Variants in CYP2R1 observed in about 807,000 individuals in gnomAD.
CYP2R1 encodes the protein cytochrome P450 family 2 subfamily R member 1, also known as vitamin D 25-hydroxylase.
Under a neutral mutation model 45.7 loss-of-function variants are expected in CYP2R1, and 40 were observed. The observed-to-expected ratio is 0.87, with a 90% CI of 0.68 to 1.14. The LOEUF (loss-of-function observed/expected upper bound fraction) is 1.14, where lower values mean the gene tolerates loss of function less well. Ranked by LOEUF, CYP2R1 falls within the 50% of genes most tolerant of loss-of-function variation. CYP2R1 has a pLI of 0.00. For missense variants in CYP2R1, 605 were observed against 602.6 expected, an observed-to-expected ratio of 1.00 and a Z score of -0.04; for synonymous variants, 234 against 219.3, an observed-to-expected ratio of 1.07 and a Z score of -0.59.
At chr11:14,878,916 A>G (rs556636267) in intron 4 of CYP2R1, among the ~76,000 whole-genome samples, 198 bp downstream of exon 4, 2 of 152,236 alleles carry the variant, frequency 1.3e-5, no homozygotes, top group African/African-American at 4.8e-5. Context: ...TCTATAGTTA[A>G]TAAATTAAGG....
chr11:14,890,424 A>AT, intron 1 of CYP2R1: 1 of 974,166 alleles, frequency 1.0e-6, no homozygotes, highest in Non-Finnish European at 1.2e-6. Flanking sequence ...TCTAAGAATT[A>AT]TACATACCTT....
rs565274924 is a variant in CYP2R1, at chr11:14,885,878, G to A, written c.265C>T (p.Leu89=). The A allele has an allele frequency of 6.8e-6, 11 of 1,613,504 alleles. No individual in the cohort carries two copies. In the South Asian group the frequency reaches 1.2e-4, roughly 18 times the overall value. The stretch of plus-strand genomic sequence containing the variant: ...TCCTTTACTACATCATAGCCATTTA[G>A]AACCACAGTTGATATGCCTCCAAGA... The part of the protein sequence containing the change: ...LDLGGISTVV[L]NGYDVVKECL... The change falls in exon 2 of 5, where the codon CTA becomes TTA. Residue 89 remains leucine (L), a synonymous_variant. Coordinates refer to ENST00000334636, the MANE Select transcript of CYP2R1 (RefSeq NM_024514.5).
At chr11:14,888,907 G>A (rs1383573940) in intron 1 of CYP2R1, among the ~76,000 whole-genome samples, 2 of 152,150 alleles carry the variant, frequency 1.3e-5, no homozygotes, top group East Asian at 3.8e-4. Flanking sequence ...GGCTTTCCTA[G>A]CCAGGGAATG....
At position 14,880,292 on chromosome 11, in the gene CYP2R1, C is replaced by G; in HGVS notation, c.844G>C (p.Asp282His). 6.2e-7 allele frequency: 1 copy of G among 1,613,182 alleles called. No individual in the cohort carries two copies. Among genetic ancestry groups the G allele is most frequent in the East Asian group, 2.2e-5 (1 of 44,860 alleles). Residue 282 changes from aspartate to histidine, a missense_variant, in exon 3 of 5, where the codon GAT becomes CAT. Coordinates refer to ENST00000334636, the MANE Select transcript of CYP2R1 (RefSeq NM_024514.5). ...TCATTTTTACCTTGATCCATCTCAT[C>G]TAAATAAGCATCAACAAAATGCTGA... ...LPQHFVDAYL[D>H]EMDQGKNDPS... is the part of the protein sequence containing the mutation.
chr11:14,887,347 T>C (rs1039691707), intron 1 of CYP2R1: 1 of 152,656 alleles, frequency 6.6e-6, no homozygotes, highest in East Asian at 1.9e-4. Flanking sequence ...TGTTACACAA[T>C]CCACCTTTAC....
Position 14,880,430 on chromosome 11 carries a change from C to T in CYP2R1, c.706G>A (p.Gly236Ser). 1 of 1,613,360 alleles carries T rather than the reference C, an allele frequency of 6.2e-7. No individual in the cohort carries two copies. Among genetic ancestry groups the T allele is most frequent in the Non-Finnish European group, 8.5e-7 (1 of 1,179,662 alleles). Reference sequence around the variant, plus strand: ...TGATGTTTTCCAAAAGGCAGGATGCCAATCCATGGAAAGGCATTATACAAG... The same window carrying T: ...TGATGTTTTCCAAAAGGCAGGATGCTAATCCATGGAAAGGCATTATACAAG... The part of the protein sequence containing the change: ...VFLYNAFPWI[G>S]ILPFGKHQQL... The change falls in exon 3 of 5, where the codon GGC becomes AGC. Residue 236 changes from glycine to serine, a missense_variant. Physicochemically the swap from Gly to Ser is moderately conservative, Grantham distance 56. Transcript: ENST00000334636.
At chr11:14,889,998 G>A (rs1247807056) in intron 1 of CYP2R1, among the ~76,000 whole-genome samples, 3 of 151,938 alleles carry the variant, frequency 2.0e-5, no homozygotes, top group Non-Finnish European at 2.9e-5. Flanking sequence ...GCGTGGTGGC[G>A]AGCACCTGTG....
At position 14,880,702 on chromosome 11, in the gene CYP2R1, C is replaced by T. The variant is rs1171663866; in HGVS notation, c.434G>A (p.Arg145Gln). The stretch of plus-strand genomic sequence containing the variant: ...AGACTTTTGGCCATATCCAAAATAT[C>T]GAAAACTGTTTACAGCTAATCGTCT... Reference protein sequence around the residue: ...DHRRLAVNSFRYFGYGQKSFE... With the variant: ...DHRRLAVNSFQYFGYGQKSFE... The change falls in exon 3 of 5, where the codon CGA becomes CAA. Residue 145 changes from arginine (R) to glutamine (Q), a missense_variant. Coordinates refer to ENST00000334636, the MANE Select transcript of CYP2R1 (RefSeq NM_024514.5). 8.8e-6 allele frequency: 14 copies of T among 1,597,266 alleles called. No homozygotes were observed. Among genetic ancestry groups the T allele is most frequent in the South Asian group, 1.1e-5 (1 of 87,410 alleles).
rs782489426 is a variant in CYP2R1 at position 14,880,308 on chromosome 11, A to G, written c.828T>C (p.Phe276=). 1 of 1,613,282 alleles carries G rather than the reference A, an allele frequency of 6.2e-7. No individual in the cohort carries two copies. The highest frequency in any genetic ancestry group is 1.1e-5 in the South Asian group (1 of 91,050). The change falls in exon 3 of 5, where the codon TTT becomes TTC. Residue 276 remains phenylalanine (F), a synonymous_variant. Transcript: ENST00000334636. The part of the protein sequence containing the change: ...VNRKPQLPQH[F]VDAYLDEMDQ... ...CCATCTCATCTAAATAAGCATCAAC[A>G]AAATGCTGAGGTAGCTGAGGCTTTC... is the stretch of plus-strand genomic sequence containing the variant.
At position 14,892,160 on chromosome 11, in the gene CYP2R1, C is replaced by T. The variant is rs1555017401; in HGVS notation, c.46G>A (p.Gly16Ser). The T allele has an allele frequency of 2.5e-6, 4 of 1,610,730 alleles. No homozygotes were observed. The highest frequency in any genetic ancestry group is 3.4e-6 in the Non-Finnish European group (4 of 1,179,732). Reference sequence around the variant, plus strand: ...GCGAAGAGCAGCAGGAAGAGCGCGCCGCCGAGCGCCGCCGCGCCCTCTTCA... The same window carrying T: ...GCGAAGAGCAGCAGGAAGAGCGCGCTGCCGAGCGCCGCCGCGCCCTCTTCA... ...RAEEGAAALGGALFLLLFALG... is the reference protein window; with the variant it reads ...RAEEGAAALGSALFLLLFALG... Residue 16 changes from glycine (G) to serine (S), a missense_variant, in exon 1 of 5, where the codon GGC becomes AGC. Coordinates refer to ENST00000334636, the MANE Select transcript of CYP2R1 (RefSeq NM_024514.5).
At chr11:14,880,043 TA>T in intron 3 of CYP2R1, 92 bp downstream of exon 3, 1 of 1,339,708 alleles carries the variant, frequency 7.5e-7, no homozygotes, top group Non-Finnish European at 1.0e-6. Context: ...CAGGAGTTCC[TA>T]AAGAAAATGT....
At position 14,878,312 on chromosome 11, in the gene CYP2R1, C is replaced by G. The variant is rs1314813159; in HGVS notation, c.1331-15G>C. On this transcript the variant is annotated splice_polypyrimidine_tract_variant and intron_variant, in intron 4 of 4. Coordinates refer to ENST00000334636, the MANE Select transcript of CYP2R1 (RefSeq NM_024514.5). The stretch of plus-strand genomic sequence containing the variant: ...ATGTCTTCTTCCTAAACAGAAAAAG[C>G]AGATACAATAATTTTTTAAACCCAC... The G allele has an allele frequency of 1.2e-6, 2 of 1,611,820 alleles. No individual in the cohort carries two copies. The highest frequency in any genetic ancestry group is 1.7e-6 in the Non-Finnish European group (2 of 1,178,684).
chr11:14,884,131 C>T (rs1555013470), intron 2 of CYP2R1, among the ~76,000 whole-genome samples: 1 of 152,000 alleles, frequency 6.6e-6, no homozygotes, highest in Admixed American at 6.6e-5. Flanking sequence ...GGCGATTCCT[C>T]AGGGATCTAG....
At chr11:14,892,346 GC>G, upstream of CYP2R1, 1 of 775,494 alleles carries the variant, frequency 1.3e-6, no homozygotes, top group Non-Finnish European at 2.1e-6. Context: ...GAGCGCTCAG[GC>G]CCCTTCGGGA....
Position 14,879,100 on chromosome 11 carries a change from G to T in CYP2R1, c.1330+14C>A. ...CCTTTATTCTAAAGTTACGCCCCGT[G>T]AAAGTTCTCTTACCTAGGGAAAAAG... On this transcript the variant is annotated intron_variant, in intron 4 of 4. Coordinates refer to ENST00000334636, the MANE Select transcript of CYP2R1 (RefSeq NM_024514.5). 6.2e-7 allele frequency: 1 copy of T among 1,606,338 alleles called. No individual in the cohort carries two copies. Among genetic ancestry groups the T allele is most frequent in the Non-Finnish European group, 8.5e-7 (1 of 1,173,386 alleles).
chr11:14,892,357 A>G, upstream of CYP2R1: 1 of 712,770 alleles, frequency 1.4e-6, no homozygotes, highest in South Asian at 1.8e-5. Flanking sequence ...CCCCTTCGGG[A>G]CAACTACCTT....
intron 1 of CYP2R1, chr11:14,891,278 C>T (rs1407643536): frequency 1.0e-6 from 1 of 985,246 alleles, no homozygotes; most frequent in African/African-American, 1.7e-5. Context: ...AAATGAGTCA[C>T]CAAGTTGGCA....
chr11:14,887,506 CT>C, intron 1 of CYP2R1: 1 of 791,862 alleles, frequency 1.3e-6, no homozygotes, highest in Non-Finnish European at 1.5e-6. Flanking sequence ...CTGCTTTGAT[CT>C]ATGGAAGGGT....
In CYP2R1 at chr11:14,880,652, T is replaced by C; in HGVS notation, c.484A>G (p.Thr162Ala). Residue 162 changes from threonine (T) to alanine (A), a missense_variant, in exon 3 of 5, where the codon ACC becomes GCC. Transcript: ENST00000334636. ...KSFESKILEE[T>A]KFFNDAIETY... ...TCAATAGCATCATTGAAAAATTTGG[T>C]TTCTTCCAAGATTTTAGATTCAAAA... 1 of 1,598,766 alleles carries C rather than the reference T, an allele frequency of 6.3e-7. No individual in the cohort carries two copies. The highest frequency in any genetic ancestry group is 8.5e-7 in the Non-Finnish European group (1 of 1,174,118).
Sources: allele counts gnomAD v4.1 joint callset (sites outside exome capture counted in the v4.1 genomes callset), GRCh38; gene constraint gnomAD v4.1.1; transcripts MANE v1.5; gene names NCBI Gene and HGNC (gene_info 2026-07-23, HGNC 2026-07-21).